The following TMEM182 variants were observed in gnomAD, a reference collection of about 807,000 sequenced individuals.
The protein encoded by TMEM182 is transmembrane protein 182.
TMEM182 carries 20 observed loss-of-function variants against 26.8 expected under a neutral mutation model. The ratio of observed to expected loss-of-function variants is 0.75; its 90% CI spans 0.53 to 1.09. The LOEUF is 1.09. Among genes scored for constraint, TMEM182 ranks in the 50% least tolerant of loss-of-function variants. TMEM182 has a pLI of 0.00. For missense variants in TMEM182, 277 were observed against 275.5 expected (o/e 1.01, Z -0.04); for synonymous variants, 109 against 102.2 (o/e 1.07, Z -0.40).
chr2:102,750,459 A>G (rs1679845371), intron 1 of TMEM182, among the ~76,000 whole-genome samples: 1 of 152,198 alleles, frequency 6.6e-6, no homozygotes, highest in African/African-American at 2.4e-5. Context: ...TCTTCCTTAA[A>G]GCAAACGTAC....
chr2:102,816,418 T>A lies in TMEM182; in HGVS notation c.*1450T>A. ...ATCCCAGTCTTCTCTGTACATCTTG[T>A]GCTTTTCCATTAAGACTTGTTCCAG... On this transcript the variant is annotated 3_prime_UTR_variant, in exon 5 of 5. Transcript: ENST00000412401. The A allele has an allele frequency of 1.0e-6, 1 of 985,178 alleles. No individual in the cohort carries two copies. Among genetic ancestry groups the A allele is most frequent in the Non-Finnish European group, 1.2e-6 (1 of 829,890 alleles). The allele number at this position is 985,178 out of a possible 1,614,324, so 61.0% of individuals were successfully genotyped here.
chr2:102,749,246 G>C (rs558993121), intron 1 of TMEM182, among the ~76,000 whole-genome samples: 1 of 152,150 alleles, frequency 6.6e-6, no homozygotes, highest in South Asian at 2.1e-4. Flanking sequence ...TAGTAATAAG[G>C]AATGAAGTAG....
intron 3 of TMEM182, among the ~76,000 whole-genome samples, chr2:102,823,217 G>T (rs1415228647): frequency 6.6e-6 from 1 of 152,190 alleles, no homozygotes; most frequent in Non-Finnish European, 1.5e-5. Flanking sequence ...ATAAGCATTT[G>T]AGAAGGAAAT....
intron 3 of TMEM182, among the ~76,000 whole-genome samples, chr2:102,796,655 C>T (rs1048978931): frequency 2.0e-5 from 3 of 152,214 alleles, no homozygotes; most frequent in East Asian, 1.9e-4. Flanking sequence ...TTGTCTAACA[C>T]AGCAGCCCTG....
At chr2:102,763,651 A>G (rs1462099576) in intron 2 of TMEM182, among the ~76,000 whole-genome samples, 1 of 152,192 alleles carries the variant, frequency 6.6e-6, no homozygotes, top group Non-Finnish European at 1.5e-5. Context: ...GAATAAGCAT[A>G]CAACTTGCCA....
chr2:102,759,478 A>G (rs1680144911), upstream of TMEM182, among the ~76,000 whole-genome samples: 2 of 152,156 alleles, frequency 1.3e-5, no homozygotes, highest in Admixed American at 1.3e-4. Flanking sequence ...GGGCCTATAT[A>G]TTGTAACCTC....
intron 4 of TMEM182, among the ~76,000 whole-genome samples, chr2:102,810,120 C>G (rs1295688573): frequency 6.6e-6 from 1 of 152,046 alleles, no homozygotes; most frequent in East Asian, 1.9e-4. Flanking sequence ...ATCCAAAACA[C>G]TCTCTTTTTA....
intron 3 of TMEM182, among the ~76,000 whole-genome samples, chr2:102,840,163 C>T (rs1326565806): frequency 6.6e-6 from 1 of 152,136 alleles, no homozygotes; most frequent in Non-Finnish European, 1.5e-5. Flanking sequence ...AACCCAGGAA[C>T]TTTCCAAAAG....
At chr2:102,759,643 T>A (rs1180619420), upstream of TMEM182, among the ~76,000 whole-genome samples, 1 of 152,160 alleles carries the variant, frequency 6.6e-6, no homozygotes, top group Non-Finnish European at 1.5e-5. Context: ...TAACAAATTG[T>A]CCCCAAAGTA....
At chr2:102,838,873 C>T (rs976148497) in intron 3 of TMEM182, among the ~76,000 whole-genome samples, 23 of 152,160 alleles carry the variant, frequency 1.5e-4, no homozygotes, top group African/African-American at 5.6e-4. Flanking sequence ...ATTTGAGATA[C>T]ACTGTCGCTG....
chr2:102,797,422 T>C (rs973852782), intron 3 of TMEM182, among the ~76,000 whole-genome samples: 1 of 152,182 alleles, frequency 6.6e-6, no homozygotes, highest in Non-Finnish European at 1.5e-5. Context: ...AAATATATCT[T>C]AGAAGAAGAT....
chr2:102,780,892 A>T (rs1375282460), intron 3 of TMEM182, among the ~76,000 whole-genome samples: 1 of 152,144 alleles, frequency 6.6e-6, no homozygotes, highest in Non-Finnish European at 1.5e-5. Flanking sequence ...GGTCCTTTGG[A>T]TGGGCATTTT....
At chr2:102,801,383 G>A (rs533316093) in intron 4 of TMEM182, among the ~76,000 whole-genome samples, 1 of 152,268 alleles carries the variant, frequency 6.6e-6, no homozygotes, top group Admixed American at 6.5e-5. Flanking sequence ...TTCAAAAAGG[G>A]GGTGGGCTAG....
At chr2:102,770,422 TG>T (rs1220342632) in intron 3 of TMEM182, among the ~76,000 whole-genome samples, 1 of 152,222 alleles carries the variant, frequency 6.6e-6, no homozygotes, top group East Asian at 1.9e-4. Context: ...GATCATCTGC[TG>T]TGTATCCCAT....
At chr2:102,774,423 T>C (rs146174461) in intron 3 of TMEM182, among the ~76,000 whole-genome samples, 1 of 143,110 alleles carries the variant, frequency 7.0e-6, no homozygotes, top group Admixed American at 7.0e-5. Flanking sequence ...GCCTGGCTAA[T>C]TTTTTTTTTT....
upstream of TMEM182, chr2:102,758,566 G>C: frequency 1.4e-6 from 1 of 699,574 alleles, no homozygotes; most frequent in Non-Finnish European, 2.7e-6. Flanking sequence ...CATGCACCCT[G>C]CTAAAATCCA....
At chr2:102,755,325 G>A (rs543130226) in intron 1 of TMEM182, among the ~76,000 whole-genome samples, 1 of 152,068 alleles carries the variant, frequency 6.6e-6, no homozygotes, top group Non-Finnish European at 1.5e-5. Flanking sequence ...TTCCTTGTTC[G>A]CAAAAGTATT....
chr2:102,834,419 G>A, intron 3 of TMEM182: 2 of 985,226 alleles, frequency 2.0e-6, no homozygotes, highest in Non-Finnish European at 2.4e-6. Flanking sequence ...AAATCTAGAA[G>A]ATGGGGGGAT....
Position 102,817,030 on chromosome 2 carries a change from T to C in TMEM182, c.*2062T>C, listed in dbSNP as rs1573569966. The C allele has an allele frequency of 1.0e-6, 1 of 985,754 alleles. No individual in the cohort carries two copies. The highest frequency in any genetic ancestry group is 1.1e-4 in the East Asian group (1 of 8,816). 61.1% of individuals were successfully genotyped at this position (985,754 alleles called of 1,614,324 possible). On this transcript the variant is annotated 3_prime_UTR_variant, in exon 5 of 5. Transcript: ENST00000412401. ...TACACAGATTTGCACTTTGGAACTA[T>C]TTTATAGTTGTAATGCATCAATCAA... is the stretch of plus-strand genomic sequence containing the variant.
Sources: gnomAD v4.1 joint callset for allele counts (sites outside exome capture counted in the v4.1 genomes callset) on GRCh38, gnomAD v4.1.1 for gene constraint, MANE v1.5 for transcripts, NCBI Gene and HGNC (gene_info 2026-07-23, HGNC 2026-07-21) for gene names.